SDHA: variants seen among roughly 807,000 people sequenced by gnomAD.
SDHA encodes succinate dehydrogenase [ubiquinone] flavoprotein subunit, mitochondrial.
Under a neutral mutation model 78.4 loss-of-function variants are expected in SDHA, and 48 were observed. The ratio of observed to expected loss-of-function variants is 0.61; its 90% CI spans 0.49 to 0.78. SDHA has a LOEUF of 0.78. Ranked by LOEUF, SDHA falls within the 30% of genes least tolerant of loss-of-function variation. SDHA has a pLI of 0.00. For missense variants in SDHA, 680 were observed against 892.7 expected, an observed-to-expected ratio of 0.76 and a Z score of 3.04; for synonymous variants, 326 against 353.9, an observed-to-expected ratio of 0.92 and a Z score of 0.88.
At chr5:248,227 T>TA (rs749275312) in intron 11 of SDHA, among the ~76,000 whole-genome samples, 2 of 151,426 alleles carry the variant, frequency 1.3e-5, no homozygotes, top group Non-Finnish European at 3.0e-5. Context: ...GAGGAAGAGA[T>TA]TCTGGGAGGA....
chr5:239,141 G>A, intron 10 of SDHA, among the ~76,000 whole-genome samples: 1 of 117,220 alleles, frequency 8.5e-6, no homozygotes, highest in South Asian at 2.3e-4. Context: ...GTGGTGGGCG[G>A]GGTGGGGCCT....
At chr5:224,211 T>C in intron 2 of SDHA, 149 bp from the exon 3 acceptor site, 2 of 855,944 alleles carry the variant, frequency 2.3e-6, no homozygotes, top group South Asian at 1.4e-5. Context: ...CTCCCCGAAC[T>C]GTTCAGGGCT....
intron 6 of SDHA, among the ~76,000 whole-genome samples, chr5:230,044 C>T (rs1023149533): frequency 2.0e-5 from 3 of 150,412 alleles, no homozygotes; most frequent in Non-Finnish European, 2.9e-5. Context: ...TGGTGGCTAT[C>T]GTTAATATTA....
chr5:222,341 T>A (rs1429470545), intron 1 of SDHA, among the ~76,000 whole-genome samples: 1 of 140,632 alleles, frequency 7.1e-6, no homozygotes, highest in African/African-American at 3.1e-5. Context: ...TAAAGCTTTT[T>A]TTTCTTTTCT....
intron 11 of SDHA, among the ~76,000 whole-genome samples, chr5:243,308 C>T (rs1736253682): frequency 6.6e-6 from 1 of 152,146 alleles, no homozygotes; most frequent in African/African-American, 2.4e-5. Flanking sequence ...GTTGTTGTTT[C>T]CAGTCGGATG....
chr5:253,883 A>T (rs1737010160), intron 13 of SDHA, among the ~76,000 whole-genome samples: 2 of 152,130 alleles, frequency 1.3e-5, no homozygotes, highest in South Asian at 4.1e-4. Flanking sequence ...CAACATGGCG[A>T]AACGTGTCTC....
chr5:239,522 C>T (rs1478549321), intron 10 of SDHA, among the ~76,000 whole-genome samples: 3 of 151,378 alleles, frequency 2.0e-5, no homozygotes, highest in Non-Finnish European at 2.9e-5. Flanking sequence ...GTGCCACTGA[C>T]TGCACTCCAA....
chr5:246,928 C>T (rs1168406495), intron 11 of SDHA, among the ~76,000 whole-genome samples: 2 of 152,060 alleles, frequency 1.3e-5, no homozygotes, highest in African/African-American at 2.4e-5. Context: ...TTTAAATAGT[C>T]TTACTTGGCA....
At chr5:224,073 T>A (rs569740814) in intron 2 of SDHA, among the ~76,000 whole-genome samples, 106 of 152,220 alleles carry the variant, frequency 7.0e-4, no homozygotes, top group Non-Finnish European at 1.3e-3. Context: ...TGGCACCTTC[T>A]CAGGCATAAG....
intron 7 of SDHA, among the ~76,000 whole-genome samples, chr5:232,645 A>G (rs1436360133): frequency 6.6e-6 from 1 of 151,826 alleles, no homozygotes; most frequent in East Asian, 1.9e-4. Flanking sequence ...TAACCACAGA[A>G]AAAAGAGCAT....
chr5:240,044 C>A (rs1325289199), intron 10 of SDHA, among the ~76,000 whole-genome samples: 1 of 152,220 alleles, frequency 6.6e-6, no homozygotes, highest in African/African-American at 2.4e-5. Context: ...GCTGGGATTA[C>A]AGGCGTGAGC....
chr5:268,328 A>G, the SDHA span, among the ~76,000 whole-genome samples: 2 of 151,730 alleles, frequency 1.3e-5, no homozygotes, highest in Non-Finnish European at 2.9e-5. Flanking sequence ...GATTACAGGC[A>G]CCTGCCACCA....
intron 6 of SDHA, among the ~76,000 whole-genome samples, chr5:230,288 A>G (rs1735311714): frequency 6.6e-6 from 1 of 152,206 alleles, no homozygotes; most frequent in Non-Finnish European, 1.5e-5. Context: ...TTATAAAAGT[A>G]GTATATGCTT....
intron 6 of SDHA, 105 bp from the exon 7 acceptor site, chr5:230,771 T>C: frequency 6.7e-7 from 1 of 1,482,188 alleles, no homozygotes; most frequent in Admixed American, 1.7e-5. Flanking sequence ...TGCACAGCAC[T>C]GAGAAGACGG....
chr5:242,143 G>C (rs1014467097), intron 11 of SDHA, among the ~76,000 whole-genome samples: 7 of 152,166 alleles, frequency 4.6e-5, no homozygotes, highest in African/African-American at 1.7e-4. Context: ...GGATTTTTCT[G>C]CTGAGTCTGG....
intron 2 of SDHA, 64 bp downstream of exon 2, chr5:223,632 C>T (rs1020287042): frequency 1.6e-6 from 2 of 1,265,786 alleles, no homozygotes; most frequent in Non-Finnish European, 2.3e-6. Flanking sequence ...AGGATCTATA[C>T]CAGTTTGTTT....
At chr5:241,547 A>G (rs1170825769) in intron 11 of SDHA, among the ~76,000 whole-genome samples, 3 of 152,210 alleles carry the variant, frequency 2.0e-5, no homozygotes, top group Non-Finnish European at 4.4e-5. Flanking sequence ...GCCATCCAGT[A>G]TGGCAGCCAT....
Position 237,161 on chromosome 5 carries a change from C to T in SDHA, c.1432+562C>T, listed in dbSNP as rs1405611338. On this transcript the variant is annotated intron_variant, in intron 10 of 14. Coordinates refer to ENST00000264932, the MANE Select transcript of SDHA (RefSeq NM_004168.4). ...TTAATTATTTTGCAGTCATTATGTT[C>T]TGTTTAGAAAAAGCACTATTAGAAA... Among the ~76,000 whole-genome samples, 3 of 134,788 alleles carry T rather than the reference C, an allele frequency of 2.2e-5. 1 individual carries two copies. Among genetic ancestry groups the T allele is most frequent in the Non-Finnish European group, 4.5e-5 (3 of 66,482 alleles). 88.4% of individuals were successfully genotyped at this position (134,788 alleles called of 152,430 possible).
chr5:232,090 G>A (rs1735440258), intron 7 of SDHA, among the ~76,000 whole-genome samples: 1 of 152,182 alleles, frequency 6.6e-6, no homozygotes. Context: ...TCTGACCTGT[G>A]GACGATGGAG....
Sources: allele counts gnomAD v4.1 joint callset (sites outside exome capture counted in the v4.1 genomes callset), GRCh38; gene constraint gnomAD v4.1.1; transcripts MANE v1.5; gene names NCBI Gene and HGNC (gene_info 2026-07-23, HGNC 2026-07-21).